UBAP2L: variants seen among roughly 807,000 people sequenced by gnomAD.
UBAP2L encodes the protein ubiquitin-associated protein 2-like.
Under a neutral mutation model 130.6 loss-of-function variants are expected in UBAP2L, and 12 were observed. The observed-to-expected ratio is 0.09, with a 90% CI of 0.06 to 0.15. The LOEUF (loss-of-function observed/expected upper bound fraction) is 0.15, where lower values mean the gene tolerates loss of function less well. Ranked by LOEUF, UBAP2L falls within the 10% of genes least tolerant of loss-of-function variation. The probability of loss-of-function intolerance (pLI) is 1.00; values close to 1 mark genes in which losing one functional copy is unlikely to be tolerated. For missense variants in UBAP2L, 965 were observed against 1,332.5 expected (o/e 0.72, Z 4.29); for synonymous variants, 503 against 524.7 (o/e 0.96, Z 0.57).
Position 154,251,598 on chromosome 1 carries a change from A to G in UBAP2L, c.1609A>G (p.Thr537Ala). Residue 537 changes from threonine to alanine, a missense_variant, in exon 14 of 27, where the codon ACC becomes GCC. Thr to Ala is a moderately conservative substitution (Grantham distance 58). This residue lies in a region of UBAP2L where 393 missense variants were observed against 408.1 expected (regional missense o/e 0.96). Transcript: ENST00000428931. Reference protein sequence around the residue: ...PVLSDYESTPTTSASSSQAPS... With the variant: ...PVLSDYESTPATSASSSQAPS... ...CCTTTCTGATTATGAGTCCACCCCC[A>G]CCACGAGCGCCTCTTCAAGCCAGGC... 1 of 1,614,036 alleles carries G rather than the reference A, an allele frequency of 6.2e-7. No homozygotes were observed. The highest frequency in any genetic ancestry group is 8.5e-7 in the Non-Finnish European group (1 of 1,180,010).
At chr1:154,241,604 T>C in intron 9 of UBAP2L, 39 bp downstream of exon 9, 1 of 1,611,434 alleles carries the variant, frequency 6.2e-7, no homozygotes, top group Non-Finnish European at 8.5e-7. Context: ...ATGCCTTCTA[T>C]CCCTAAGTGT....
At chr1:154,230,921 T>G (rs986855510) in intron 4 of UBAP2L, among the ~76,000 whole-genome samples, 1 of 152,192 alleles carries the variant, frequency 6.6e-6, no homozygotes, top group African/African-American at 2.4e-5. Flanking sequence ...AAGGTTACAG[T>G]TTCCTGAAAC....
In UBAP2L at chr1:154,251,304, T is replaced by G. The variant is rs1677514898; in HGVS notation, c.1477T>G (p.Ser493Ala). 1 of 1,612,994 alleles carries G rather than the reference T, an allele frequency of 6.2e-7. No individual in the cohort carries two copies. The highest frequency in any genetic ancestry group is 8.5e-7 in the Non-Finnish European group (1 of 1,179,658). ...QKLKQQKKKASLTSKIPALAV... is the reference protein window; with the variant it reads ...QKLKQQKKKAALTSKIPALAV... ...ACTGAAACAGCAGAAGAAAAAAGCC[T>G]CCTTGACTTCTAAGGTACTTAAACT... The change falls in exon 13 of 27, where the codon TCC (serine) becomes GCC (alanine). Residue 493 changes from serine (S) to alanine (A), a missense_variant. Coordinates refer to ENST00000428931, the MANE Select transcript of UBAP2L (RefSeq NM_014847.4).
At chr1:154,271,031 C>T, downstream of UBAP2L, 2 of 1,318,512 alleles carry the variant, frequency 1.5e-6, no homozygotes, top group Non-Finnish European at 2.1e-6. Context: ...AGTATCTTGT[C>T]CTTGAGGGGA....
chr1:154,220,625 T>C, upstream of UBAP2L: 3 of 593,550 alleles, frequency 5.1e-6, no homozygotes, highest in South Asian at 5.9e-5. Context: ...GACACGTGAC[T>C]CAGGCAGGCA....
intron 20 of UBAP2L, 169 bp from the exon 21 acceptor site, chr1:154,258,808 C>T: frequency 1.8e-6 from 1 of 564,930 alleles, no homozygotes; most frequent in South Asian, 2.1e-5. Flanking sequence ...CATTTAATCT[C>T]TGTGTACTTT....
intron 8 of UBAP2L, among the ~76,000 whole-genome samples, chr1:154,238,065 G>A (rs957014387): frequency 2.6e-5 from 4 of 152,238 alleles, no homozygotes; most frequent in Admixed American, 2.6e-4. Context: ...AATTTGCCTT[G>A]TCACCTTTCA....
At chr1:154,238,367 G>T (rs1369946991) in intron 8 of UBAP2L, among the ~76,000 whole-genome samples, 2 of 152,200 alleles carry the variant, frequency 1.3e-5, no homozygotes, top group East Asian at 3.8e-4. Flanking sequence ...TGATGGCTTT[G>T]TAGAGGCAGT....
chr1:154,223,318 C>T (rs970273269), intron 1 of UBAP2L, among the ~76,000 whole-genome samples: 1 of 152,028 alleles, frequency 6.6e-6, no homozygotes, highest in African/African-American at 2.4e-5. Context: ...TATAACTTAT[C>T]CTCACAAATA....
intron 18 of UBAP2L, among the ~76,000 whole-genome samples, chr1:154,256,111 A>T (rs1020839736): frequency 3.9e-5 from 6 of 152,248 alleles, no homozygotes; most frequent in Non-Finnish European, 8.8e-5. Context: ...TTCTGAAAAG[A>T]ATCAGTGCAA....
chr1:154,251,566 A>G lies in UBAP2L; in HGVS notation c.1577A>G (p.Glu526Gly), dbSNP rs1677606893. The G allele has an allele frequency of 1.9e-6, 3 of 1,613,968 alleles. No homozygotes were observed. Among genetic ancestry groups the G allele is most frequent in the Non-Finnish European group, 2.5e-6 (3 of 1,180,022 alleles). The change falls in exon 14 of 27, where the codon GAG (glutamate) becomes GGG (glycine). Residue 526 changes from glutamate to glycine, a missense_variant. Around this residue, in one of 9 missense-constraint regions of UBAP2L, gnomAD observed 393 missense variants for 408.1 expected, o/e 0.96. Transcript: ENST00000428931. ...TTTGGGGCATTGCAGTTTGGGTCAGAGCCTGTCCTTTCTGATTATGAGTCC... is the reference window on the plus strand; with the variant it reads ...TTTGGGGCATTGCAGTTTGGGTCAGGGCCTGTCCTTTCTGATTATGAGTCC... ...LQFGALQFGS[E>G]PVLSDYESTP...
chr1:154,225,047 C>T, intron 1 of UBAP2L, 37 bp from the exon 2 acceptor site: 6 of 1,472,702 alleles, frequency 4.1e-6, no homozygotes, highest in Non-Finnish European at 5.6e-6. Flanking sequence ...CATATTTTGC[C>T]CACATTTAAT....
chr1:154,235,757 G>A (rs933462861), intron 6 of UBAP2L, among the ~76,000 whole-genome samples: 3 of 152,064 alleles, frequency 2.0e-5, no homozygotes, highest in African/African-American at 7.2e-5. Flanking sequence ...TGATGCGCCC[G>A]CCTCGCTAAT....
At chr1:154,229,011 T>G (rs1449759766) in intron 4 of UBAP2L, among the ~76,000 whole-genome samples, 1 of 152,240 alleles carries the variant, frequency 6.6e-6, no homozygotes, top group Non-Finnish European at 1.5e-5. Context: ...GTTTTCAGGC[T>G]GTGGGGTTAG....
chr1:154,258,822 G>T (rs1030586787), intron 20 of UBAP2L, 155 bp from the exon 21 acceptor site: 11 of 604,444 alleles, frequency 1.8e-5, no homozygotes, highest in Admixed American at 3.0e-5. Flanking sequence ...GTACTTTACT[G>T]CTTTTTCCTT....
chr1:154,234,510 A>G, intron 4 of UBAP2L, 81 bp from the exon 5 acceptor site: 1 of 1,477,074 alleles, frequency 6.8e-7, no homozygotes, highest in Admixed American at 1.8e-5. Flanking sequence ...TGGTTAAGTC[A>G]ATCAGTCATC....
chr1:154,242,623 C>T (rs1673947302), intron 9 of UBAP2L, among the ~76,000 whole-genome samples: 1 of 152,156 alleles, frequency 6.6e-6, no homozygotes, highest in Non-Finnish European at 1.5e-5. Context: ...AAAAGTTAAT[C>T]CCTGCATTTG....
intron 1 of UBAP2L, among the ~76,000 whole-genome samples, chr1:154,222,861 G>C (rs1489948529): frequency 2.6e-5 from 4 of 152,104 alleles, no homozygotes; most frequent in Admixed American, 1.3e-4. Context: ...TAAGTAGCTA[G>C]TTTTCAAAAA....
At chr1:154,267,659 G>C (rs1001730478) in intron 25 of UBAP2L, among the ~76,000 whole-genome samples, 2 of 151,364 alleles carry the variant, frequency 1.3e-5, no homozygotes, top group Admixed American at 1.3e-4. Flanking sequence ...TTTGTATTTT[G>C]TATTTTTGTT....
Sources: allele counts gnomAD v4.1 joint callset (sites outside exome capture counted in the v4.1 genomes callset), GRCh38; gene constraint gnomAD v4.1.1; regional missense constraint gnomAD v4.1.1; transcripts MANE v1.5; gene names NCBI Gene and HGNC (gene_info 2026-07-23, HGNC 2026-07-21).